Variants in NUMB observed in about 807,000 individuals in gnomAD.
NUMB encodes the protein protein numb homolog.
A neutral mutation model predicts 59.7 loss-of-function variants in NUMB; 29 were observed. The ratio of observed to expected loss-of-function variants is 0.49; its 90% CI spans 0.36 to 0.66. The LOEUF is 0.66. NUMB is among the 30% of genes least tolerant of loss of function. The pLI, the probability that NUMB is intolerant of heterozygous loss-of-function variation, is 0.00. For missense variants in NUMB, 723 were observed against 822.0 expected (o/e 0.88, Z 1.47); for synonymous variants, 288 against 288.2 (o/e 1.00, Z 0.01).
At chr14:73,342,160 G>A (rs1171260454) in intron 4 of NUMB, among the ~76,000 whole-genome samples, 1 of 152,216 alleles carries the variant, frequency 6.6e-6, no homozygotes, top group Non-Finnish European at 1.5e-5. Flanking sequence ...GCCTCCCATA[G>A]TGCTGGGATT....
chr14:73,347,003 G>GT (rs1266318069), intron 4 of NUMB, among the ~76,000 whole-genome samples: 1 of 152,078 alleles, frequency 6.6e-6, no homozygotes, highest in East Asian at 1.9e-4. Context: ...TATTAACTTT[G>GT]TTTTTTATTT....
chr14:73,337,313 C>A (rs943651114), intron 4 of NUMB, among the ~76,000 whole-genome samples: 1 of 152,038 alleles, frequency 6.6e-6, no homozygotes, highest in African/African-American at 2.4e-5. Context: ...GAGTTTGAGA[C>A]TAACAAGGCA....
At chr14:73,372,337 A>ATATG (rs1566766552) in intron 2 of NUMB, among the ~76,000 whole-genome samples, 1 of 77,752 alleles carries the variant, frequency 1.3e-5, no homozygotes. Flanking sequence ...ATATATATAT[A>ATATG]ACCTTTTATA....
intron 3 of NUMB, among the ~76,000 whole-genome samples, chr14:73,360,976 C>G (rs192789196): frequency 3.9e-5 from 6 of 152,056 alleles, no homozygotes; most frequent in Non-Finnish European, 8.8e-5. Context: ...GCAGCCTCAA[C>G]CTCCCGGGCT....
intron 2 of NUMB, among the ~76,000 whole-genome samples, chr14:73,384,415 C>CTA: frequency 6.6e-6 from 1 of 152,004 alleles, no homozygotes; most frequent in East Asian, 1.9e-4. Flanking sequence ...AAAATGCTTT[C>CTA]AGACAAAAAT....
chr14:73,301,944 G>A (rs898628517), intron 6 of NUMB, among the ~76,000 whole-genome samples: 1 of 152,102 alleles, frequency 6.6e-6, no homozygotes, highest in Non-Finnish European at 1.5e-5. Flanking sequence ...TTAGCCAGGT[G>A]TGGGGGCACG....
intron 1 of NUMB, among the ~76,000 whole-genome samples, chr14:73,447,784 G>A (rs1161464975): frequency 2.0e-5 from 3 of 149,648 alleles, no homozygotes; most frequent in Admixed American, 6.7e-5. Context: ...TTTTCTTGCC[G>A]ATTTTTTTTT....
At chr14:73,368,473 C>T (rs917557592) in intron 2 of NUMB, among the ~76,000 whole-genome samples, 1 of 151,948 alleles carries the variant, frequency 6.6e-6, no homozygotes, top group Non-Finnish European at 1.5e-5. Context: ...ATCCCAGCTA[C>T]TCGGGAGGCT....
rs1888153424 is a variant in NUMB, at chr14:73,276,362, T to G, written c.*216A>C. On this transcript the variant is annotated 3_prime_UTR_variant, in exon 13 of 13. Coordinates refer to ENST00000555238, the MANE Select transcript of NUMB (RefSeq NM_001005743.2). ...CAGAAAGCAACATTTCCTTGACTTC[T>G]TTAGCCTAATTGCAAGGCAGCTTTT... The G allele has an allele frequency of 3.8e-6, 2 of 522,940 alleles. No individual in the cohort carries two copies. Among genetic ancestry groups the G allele is most frequent in the African/African-American group, 3.8e-5 (2 of 52,644 alleles). 32.4% of individuals were successfully genotyped at this position (522,940 alleles called of 1,614,324 possible).
chr14:73,296,919 G>C (rs1889813873), intron 7 of NUMB, among the ~76,000 whole-genome samples: 1 of 152,116 alleles, frequency 6.6e-6, no homozygotes, highest in South Asian at 2.1e-4. Context: ...TGTAATCCCA[G>C]CACTTTGGGA....
chr14:73,384,734 T>TTTTG (rs111381820), intron 2 of NUMB, among the ~76,000 whole-genome samples: 77,349 of 132,760 alleles, frequency 0.58, 21,091 homozygotes, highest in African/African-American at 0.7. Context: ...CGCCTGGCTT[T>TTTTG]TTTGTTTGTT....
chr14:73,352,471 CACACACATATATATAT>C (rs1893390021), intron 4 of NUMB, among the ~76,000 whole-genome samples: 3 of 21,026 alleles, frequency 1.4e-4, no homozygotes, highest in African/African-American at 5.1e-4. Context: ...CACACACACA[CACACACATATATATAT>C]ATATATATAT....
intron 1 of NUMB, among the ~76,000 whole-genome samples, chr14:73,434,990 CA>C (rs1161686227): frequency 6.6e-6 from 1 of 152,160 alleles, no homozygotes; most frequent in Non-Finnish European, 1.5e-5. Context: ...ATAAAACACA[CA>C]ATCTTTTACT....
chr14:73,354,257 C>T, intron 4 of NUMB, among the ~76,000 whole-genome samples: 1 of 151,940 alleles, frequency 6.6e-6, no homozygotes, highest in Non-Finnish European at 1.5e-5. Context: ...GTCTGTAACC[C>T]CAGCACTTTG....
chr14:73,457,767 C>A (rs1884498579), intron 1 of NUMB: 1 of 152,550 alleles, frequency 6.6e-6, no homozygotes. Flanking sequence ...GTTCTTCCCC[C>A]AGGCGGTGCA....
At chr14:73,445,919 AC>A (rs559261727) in intron 1 of NUMB, among the ~76,000 whole-genome samples, 124 of 152,346 alleles carry the variant, frequency 8.1e-4, no homozygotes, top group African/African-American at 2.7e-3. Flanking sequence ...TCAGAGAATA[AC>A]AAAAAAGATA....
chr14:73,440,841 A>G (rs981208972), intron 1 of NUMB, among the ~76,000 whole-genome samples: 2 of 149,854 alleles, frequency 1.3e-5, no homozygotes, highest in African/African-American at 4.9e-5. Flanking sequence ...AAAAAAAAAA[A>G]AAAAAAAAAG....
chr14:73,427,267 T>A (rs1422621937), intron 1 of NUMB, among the ~76,000 whole-genome samples: 3 of 151,704 alleles, frequency 2.0e-5, no homozygotes, highest in Non-Finnish European at 4.4e-5. Flanking sequence ...TCACCTGAGG[T>A]CAGAGACCAG....
At chr14:73,285,229 G>A (rs1244293295) in intron 9 of NUMB, 2 of 152,190 alleles carry the variant, frequency 1.3e-5, no homozygotes, top group Non-Finnish European at 2.9e-5. Flanking sequence ...GATTAAATTT[G>A]AGTAAATGTA....
Sources: gnomAD v4.1 joint callset for allele counts (sites outside exome capture counted in the v4.1 genomes callset) on GRCh38, gnomAD v4.1.1 for gene constraint, MANE v1.5 for transcripts, NCBI Gene and HGNC (gene_info 2026-07-23, HGNC 2026-07-21) for gene names.